The following ALK variants were observed in gnomAD, a reference collection of about 807,000 sequenced individuals.
The protein encoded by ALK is ALK receptor tyrosine kinase, also known as ALK tyrosine kinase receptor.
A neutral mutation model predicts 163.1 loss-of-function variants in ALK; 74 were observed. That is an observed-to-expected ratio of 0.45 (90% CI 0.38 to 0.55). The LOEUF is 0.55. Among genes scored for constraint, ALK ranks in the 20% least tolerant of loss-of-function variants. The probability of loss-of-function intolerance (pLI) is 0.00; values close to 1 mark genes in which losing one functional copy is unlikely to be tolerated. For missense variants in ALK, 2,063 were observed against 2,105.3 expected, an observed-to-expected ratio of 0.98 and a Z score of 0.39; for synonymous variants, 960 against 843.2, an observed-to-expected ratio of 1.14 and a Z score of -2.40.
intron 4 of ALK, among the ~76,000 whole-genome samples, chr2:29,470,721 A>G (rs1037493638): frequency 1.3e-5 from 2 of 152,142 alleles, no homozygotes; most frequent in Non-Finnish European, 2.9e-5. Flanking sequence ...CCTTACTAAA[A>G]GAAATATTAA....
intron 1 of ALK, among the ~76,000 whole-genome samples, chr2:29,771,785 C>T (rs563685527): frequency 6.6e-6 from 1 of 152,060 alleles, no homozygotes; most frequent in East Asian, 1.9e-4. Context: ...CCGCCCGCCT[C>T]GACCTCCCAA....
intron 1 of ALK, among the ~76,000 whole-genome samples, chr2:29,775,969 C>T (rs1336777360): frequency 6.6e-6 from 1 of 152,188 alleles, no homozygotes; most frequent in Non-Finnish European, 1.5e-5. Flanking sequence ...CCCAGGTATA[C>T]TAGGGTAACA....
At chr2:29,732,759 A>G (rs529099833) in intron 1 of ALK, among the ~76,000 whole-genome samples, 44 of 152,308 alleles carry the variant, frequency 2.9e-4, no homozygotes, top group Non-Finnish European at 5.0e-4. Flanking sequence ...ATGTGAGGAC[A>G]CAGCAAGAAG....
At chr2:29,666,747 A>G (rs894797324) in intron 3 of ALK, among the ~76,000 whole-genome samples, 7 of 152,070 alleles carry the variant, frequency 4.6e-5, no homozygotes, top group African/African-American at 1.4e-4. Context: ...CATAAAATTT[A>G]CTGTCTTTAC....
At chr2:29,601,989 C>CACA (rs1292780359) in intron 3 of ALK, among the ~76,000 whole-genome samples, 31 of 152,082 alleles carry the variant, frequency 2.0e-4, no homozygotes, top group Non-Finnish European at 2.9e-4. Flanking sequence ...AGCTCAGTGT[C>CACA]CTGAGGGTGT....
chr2:29,586,081 C>G (rs2148202596), intron 3 of ALK, among the ~76,000 whole-genome samples: 1 of 152,150 alleles, frequency 6.6e-6, no homozygotes, highest in African/African-American at 2.4e-5. Context: ...CAGTTAAAAC[C>G]TTCGCCATTT....
chr2:29,743,957 T>A (rs1680134082), intron 1 of ALK, among the ~76,000 whole-genome samples: 1 of 150,720 alleles, frequency 6.6e-6, no homozygotes, highest in South Asian at 2.1e-4. Context: ...AAAAAAAAAA[T>A]GCTTAGACCA....
At chr2:29,497,307 A>C (rs1446920048) in intron 4 of ALK, among the ~76,000 whole-genome samples, 1 of 151,890 alleles carries the variant, frequency 6.6e-6, no homozygotes, top group Non-Finnish European at 1.5e-5. Flanking sequence ...GATTGTGGTC[A>C]TCACAGGCTC....
chr2:29,313,759 T>C (rs1666754285), intron 8 of ALK, among the ~76,000 whole-genome samples: 1 of 152,062 alleles, frequency 6.6e-6, no homozygotes, highest in African/African-American at 2.4e-5. Context: ...TTGAATTCAA[T>C]AGTTATGCTC....
chr2:29,401,560 G>A (rs1444369930), intron 4 of ALK, among the ~76,000 whole-genome samples: 1 of 152,194 alleles, frequency 6.6e-6, no homozygotes, highest in Non-Finnish European at 1.5e-5. Flanking sequence ...CAGTTGGGGA[G>A]TGGAAGAACA....
chr2:29,881,552 G>A (rs1242097758), intron 1 of ALK, among the ~76,000 whole-genome samples: 2 of 152,200 alleles, frequency 1.3e-5, no homozygotes, highest in African/African-American at 4.8e-5. Context: ...CCTCCTGCCA[G>A]CTTGTCCAGA....
At chr2:29,889,695 C>CAGAGAG (rs869083201) in intron 1 of ALK, among the ~76,000 whole-genome samples, 59 of 101,922 alleles carry the variant, frequency 5.8e-4, no homozygotes, top group South Asian at 1.6e-3. Flanking sequence ...GATAGATAGA[C>CAGAGAG]AGAGAGAGAG....
intron 4 of ALK, among the ~76,000 whole-genome samples, chr2:29,389,555 A>G (rs1669112042): frequency 6.6e-6 from 1 of 152,324 alleles, no homozygotes; most frequent in Non-Finnish European, 1.5e-5. Flanking sequence ...AGAATGGTGG[A>G]TCATTCATCA....
At chr2:29,786,360 T>C (rs4452101) in intron 1 of ALK, among the ~76,000 whole-genome samples, 143,411 of 152,296 alleles carry the variant, frequency 0.94, 68,110 homozygotes, top group East Asian at 1. Flanking sequence ...TCTTATTCCA[T>C]TTAACTAAAG....
intron 12 of ALK, among the ~76,000 whole-genome samples, chr2:29,247,826 G>C (rs1664723693): frequency 6.6e-6 from 1 of 152,142 alleles, no homozygotes; most frequent in Admixed American, 6.5e-5. Context: ...AGGATGGGTG[G>C]GTTCGTTAGG....
intron 1 of ALK, among the ~76,000 whole-genome samples, chr2:29,887,182 G>A (rs531004792): frequency 6.6e-6 from 1 of 152,328 alleles, no homozygotes; most frequent in South Asian, 2.1e-4. Flanking sequence ...GTTTTAACTA[G>A]TTGATTCTTC....
chr2:29,765,934 C>A (rs184877363), intron 1 of ALK, among the ~76,000 whole-genome samples: 1 of 152,222 alleles, frequency 6.6e-6, no homozygotes, highest in Admixed American at 6.5e-5. Flanking sequence ...TCAGATCTTG[C>A]GAGCTTATGT....
chr2:29,315,875 G>A (rs1666819510), intron 8 of ALK, among the ~76,000 whole-genome samples: 1 of 152,176 alleles, frequency 6.6e-6, no homozygotes, highest in African/African-American at 2.4e-5. Context: ...GTAGGCATCA[G>A]CCTCAGGGCT....
At chr2:29,320,658 C>T in intron 7 of ALK, 93 bp downstream of exon 7, 2 of 1,577,452 alleles carry the variant, frequency 1.3e-6, no homozygotes, top group African/African-American at 1.3e-5. Flanking sequence ...CGAGCTTGCC[C>T]TGCAGGTGGG....
Sources: gnomAD v4.1 joint callset for allele counts (sites outside exome capture counted in the v4.1 genomes callset) on GRCh38, gnomAD v4.1.1 for gene constraint, MANE v1.5 for transcripts, NCBI Gene and HGNC (gene_info 2026-07-23, HGNC 2026-07-21) for gene names.